Variants in ZBED6 observed in about 807,000 individuals in gnomAD.
ZBED6 encodes zinc finger BED-type containing 6.
Under a neutral mutation model 58.4 loss-of-function variants are expected in ZBED6, and 40 were observed. The observed-to-expected ratio is 0.68, with a 90% CI of 0.53 to 0.89. ZBED6 has a LOEUF of 0.89. Ranked by LOEUF, ZBED6 falls within the 40% of genes least tolerant of loss-of-function variation. The pLI is 0.00. For missense variants in ZBED6, 1,057 were observed against 1,003.9 expected, an observed-to-expected ratio of 1.05 and a Z score of -0.71; for synonymous variants, 439 against 350.6, an observed-to-expected ratio of 1.25 and a Z score of -2.82.
At chr1:203,849,215 C>T (rs1688695780) in intron 13 of ZBED6, among the ~76,000 whole-genome samples, 2 of 152,138 alleles carry the variant, frequency 1.3e-5, no homozygotes, top group South Asian at 4.1e-4. Flanking sequence ...TATATGCATG[C>T]ATGTGAATTT....
chr1:203,808,731 G>T (rs1029468623), intron 1 of ZBED6, among the ~76,000 whole-genome samples: 1 of 152,104 alleles, frequency 6.6e-6, no homozygotes, highest in Non-Finnish European at 1.5e-5. Flanking sequence ...TTCCTCTACT[G>T]AAATCTATTT....
rs781717738 is a variant in ZBED6, at chr1:203,822,465, C to T, written c.*2873+3776C>T. Among the ~76,000 whole-genome samples the T allele has an allele frequency of 9.2e-5, 14 of 152,076 alleles. 1 individual carries two copies. Among genetic ancestry groups the T allele is most frequent in the Non-Finnish European group, 1.8e-4 (12 of 68,014 alleles). ...ATCCCTATAATGGATACTGTTTTCA[C>T]ACCTTTGGGCTGTGATACTTTGTGC... On this transcript the variant is annotated intron_variant, in intron 3 of 16. Transcript: ENST00000550078.
Position 203,826,938 on chromosome 1 carries a change from T to C in ZBED6, c.*2874-1361T>C, listed in dbSNP as rs60832313. 1.8e-3 allele frequency among the ~76,000 whole-genome samples: 277 copies of C among 152,234 alleles called. 6 individuals are homozygous for C. In the East Asian group the frequency reaches 0.042, roughly 23 times the overall value. ...AGTTCAAGAAATAGAGTATTAGCAG[T>C]AATCTATCTTCCCCTTCATCCCCTT... On this transcript the variant is annotated intron_variant, in intron 3 of 16. Coordinates refer to ENST00000550078, the Ensembl canonical transcript of ZBED6.
intron 1 of ZBED6, among the ~76,000 whole-genome samples, chr1:203,815,633 T>C (rs754428793): frequency 3.3e-5 from 5 of 152,182 alleles, no homozygotes; most frequent in Non-Finnish European, 5.9e-5. Flanking sequence ...ATGTAAACTT[T>C]AAACATTTGG....
chr1:203,823,185 G>A (rs1047694452), intron 3 of ZBED6, among the ~76,000 whole-genome samples: 3 of 152,170 alleles, frequency 2.0e-5, no homozygotes, highest in African/African-American at 7.2e-5. Context: ...AGATTCTCTA[G>A]GATGTATTCA....
chr1:203,824,143 A>G (rs1219697034), intron 3 of ZBED6, among the ~76,000 whole-genome samples: 1 of 151,928 alleles, frequency 6.6e-6, no homozygotes, highest in Non-Finnish European at 1.5e-5. Context: ...TGACGCAGCC[A>G]TGTAGTCCCA....
At chr1:203,811,415 G>T (rs779523119) in intron 1 of ZBED6, among the ~76,000 whole-genome samples, 6 of 152,174 alleles carry the variant, frequency 3.9e-5, no homozygotes, top group Non-Finnish European at 8.8e-5. Flanking sequence ...TTACTTTGTT[G>T]CTGGTCTTTC....
chr1:203,835,062 C>CT (rs1210434660), intron 9 of ZBED6, among the ~76,000 whole-genome samples: 1 of 152,248 alleles, frequency 6.6e-6, no homozygotes, highest in Non-Finnish European at 1.5e-5. Flanking sequence ...GCAGTTCTCA[C>CT]TACCCTATCT....
At chr1:203,801,453 G>T (rs1348922309) in exon 1 of ZBED6, 1 of 152,272 alleles carries the variant, frequency 6.6e-6, no homozygotes, top group Non-Finnish European at 1.5e-5. Flanking sequence ...TTTCTACTCT[G>T]AAAGTATGTT....
chr1:203,812,236 G>GT (rs1158036571), intron 1 of ZBED6, among the ~76,000 whole-genome samples: 3 of 152,100 alleles, frequency 2.0e-5, no homozygotes, highest in Non-Finnish European at 4.4e-5. Context: ...ATTAAGCCTA[G>GT]TATCTATTAG....
At chr1:203,819,159 C>T (rs1185451200) in intron 3 of ZBED6, among the ~76,000 whole-genome samples, 3 of 145,802 alleles carry the variant, frequency 2.1e-5, no homozygotes, top group Non-Finnish European at 4.5e-5. Context: ...TATACACACA[C>T]GTGTATATAT....
At chr1:203,835,404 T>C (rs1483662654) in intron 9 of ZBED6, among the ~76,000 whole-genome samples, 1 of 152,232 alleles carries the variant, frequency 6.6e-6, no homozygotes, top group Non-Finnish European at 1.5e-5. Flanking sequence ...TTACACGTTA[T>C]ACAGTCATTT....
At chr1:203,847,129 G>A in intron 11 of ZBED6, 55 bp from the exon 12 acceptor site, 3 of 1,585,914 alleles carry the variant, frequency 1.9e-6, no homozygotes, top group Non-Finnish European at 2.6e-6. Flanking sequence ...GAGATCATAA[G>A]TCAGTAAGAG....
intron 9 of ZBED6, 137 bp downstream of exon 9, chr1:203,833,990 G>A: frequency 2.2e-6 from 3 of 1,368,034 alleles, no homozygotes; most frequent in Non-Finnish European, 1.9e-6. Context: ...AATTCCTCAT[G>A]TTTTCATGAG....
chr1:203,798,679 C>A (rs1350931211), exon 1 of ZBED6: 36 of 1,536,002 alleles, frequency 2.3e-5, no homozygotes, highest in Non-Finnish European at 2.9e-5. Flanking sequence ...ATTCCCGTTG[C>A]AGAGCAAGGC....
exon 6 of ZBED6, chr1:203,829,814 A>G (rs774093840): frequency 6.2e-7 from 1 of 1,614,082 alleles, no homozygotes; most frequent in South Asian, 1.1e-5. Flanking sequence ...AAACCAAAAC[A>G]CCTACCCTGC....
At chr1:203,799,932 G>A (rs1454128037) in exon 1 of ZBED6, 2 of 1,535,962 alleles carry the variant, frequency 1.3e-6, no homozygotes, top group African/African-American at 2.7e-5. Flanking sequence ...TAATTATATG[G>A]AATCTTCACC....
intron 1 of ZBED6, among the ~76,000 whole-genome samples, chr1:203,811,423 T>C (rs563864350): frequency 6.6e-6 from 1 of 152,270 alleles, no homozygotes; most frequent in Non-Finnish European, 1.5e-5. Flanking sequence ...TTGCTGGTCT[T>C]TCTAAAACCG....
intron 11 of ZBED6, among the ~76,000 whole-genome samples, chr1:203,843,607 C>T (rs993511182): frequency 5.9e-5 from 9 of 152,284 alleles, no homozygotes; most frequent in African/African-American, 2.2e-4. Context: ...ATGAAAGCAG[C>T]CATATGCATA....
Sources: gnomAD v4.1 joint callset for allele counts (sites outside exome capture counted in the v4.1 genomes callset) on GRCh38, gnomAD v4.1.1 for gene constraint, MANE v1.5 for transcripts, NCBI Gene and HGNC (gene_info 2026-07-23, HGNC 2026-07-21) for gene names.